TFIP11: variants seen among roughly 807,000 people sequenced by gnomAD.
The protein encoded by TFIP11 is tuftelin-interacting protein 11.
A neutral mutation model predicts 96.8 loss-of-function variants in TFIP11; 86 were observed. That is an observed-to-expected ratio of 0.89 (90% CI 0.75 to 1.06). The LOEUF (loss-of-function observed/expected upper bound fraction) is 1.06, where lower values mean the gene tolerates loss of function less well. Ranked by LOEUF, TFIP11 falls within the 50% of genes least tolerant of loss-of-function variation. TFIP11 has a pLI of 0.00. For synonymous variants in TFIP11, 405 were observed against 395.2 expected, an observed-to-expected ratio of 1.02 and a Z score of -0.29; for missense variants, 881 against 1,076.7, an observed-to-expected ratio of 0.82 and a Z score of 2.54.
chr22:26,506,143 TA>T (rs897284433), intron 6 of TFIP11, 159 bp downstream of exon 6: 1 of 654,554 alleles, frequency 1.5e-6, no homozygotes, highest in African/African-American at 1.8e-5. Context: ...TGAGCTTTGA[TA>T]AAGCAAGGTA....
chr22:26,491,329 T>G lies in TFIP11; in HGVS notation c.*684A>C, dbSNP rs1161268128. 5.0e-6 allele frequency: 4 copies of G among 807,234 alleles called. No homozygotes were observed. Among genetic ancestry groups the G allele is most frequent in the Non-Finnish European group, 7.9e-6 (4 of 505,912 alleles). 50.0% of individuals were successfully genotyped at this position (807,234 alleles called of 1,614,324 possible). A position where few individuals can be genotyped will look rare whatever the true frequency, so the allele number is the denominator to read the frequency against. On this transcript the variant is annotated 3_prime_UTR_variant, in exon 15 of 15. Coordinates refer to ENST00000407690, the MANE Select transcript of TFIP11 (RefSeq NM_012143.4). ...CGCCCAATTCATTGTGCAAAAGCAT[T>G]TAAATCAAAATACCCTATTTGTTAT...
intron 4 of TFIP11, among the ~76,000 whole-genome samples, chr22:26,508,468 C>T (rs1414450202): frequency 6.6e-6 from 1 of 152,178 alleles, no homozygotes; most frequent in East Asian, 1.9e-4. Context: ...AATTCTTGTT[C>T]CCTGATCTAT....
chr22:26,501,955 T>C lies in TFIP11; in HGVS notation c.746A>G (p.Lys249Arg). 1 of 1,613,998 alleles carries C rather than the reference T, an allele frequency of 6.2e-7. No homozygotes were observed. Among genetic ancestry groups the C allele is most frequent in the Non-Finnish European group, 8.5e-7 (1 of 1,179,996 alleles). ...AGTGAGCTTCTTGCTAATCCTGCCC[T>C]TGGCCTTCAACTCTTCCACGGTCTT... ...SYKTVEELKA[K>R]GRISKKLTAP... The change falls in exon 8 of 15, where the codon AAG becomes AGG. Residue 249 changes from lysine (K) to arginine (R), a missense_variant. Lys to Arg is a conservative substitution (Grantham distance 26). Coordinates refer to ENST00000407690, the MANE Select transcript of TFIP11 (RefSeq NM_012143.4).
chr22:26,494,201 G>C lies in TFIP11; in HGVS notation c.2096C>G (p.Ser699Cys), dbSNP rs2147119719. 1 of 1,614,140 alleles carries C rather than the reference G, an allele frequency of 6.2e-7. No individual in the cohort carries two copies. Among genetic ancestry groups the C allele is most frequent in the East Asian group, 2.2e-5 (1 of 44,888 alleles). Residue 699 changes from serine to cysteine, a missense_variant, in exon 14 of 15, where the codon TCT becomes TGT. Transcript: ENST00000407690. ...TGCCTCATTAAATTTGTCCTTGACA[G>C]ATGGATGTGCCAGCACTTGGTCTGA... ...MFSDQVLAHPSVKDKFNEALD... is the reference protein window; with the variant it reads ...MFSDQVLAHPCVKDKFNEALD...
chr22:26,501,942 G>C lies in TFIP11; in HGVS notation c.759C>G (p.Ser253Arg). 6.2e-7 allele frequency: 1 copy of C among 1,613,826 alleles called. No homozygotes were observed. The highest frequency in any genetic ancestry group is 1.7e-4 in the Middle Eastern group (1 of 6,058). The change falls in exon 8 of 15, where the codon AGC becomes AGG. Residue 253 changes from serine (S) to arginine (R), a missense_variant. Physicochemically the swap from Ser to Arg is moderately radical, Grantham distance 110. Transcript: ENST00000407690. The part of the protein sequence containing the change: ...VEELKAKGRI[S>R]KKLTAPQKEL... Reference sequence around the variant, plus strand: ...CCTTCTGGGGAGCAGTGAGCTTCTTGCTAATCCTGCCCTTGGCCTTCAACT... The same window carrying C: ...CCTTCTGGGGAGCAGTGAGCTTCTTCCTAATCCTGCCCTTGGCCTTCAACT...
intron 8 of TFIP11, among the ~76,000 whole-genome samples, chr22:26,500,233 G>A (rs1180571773): frequency 1.3e-5 from 2 of 152,088 alleles, no homozygotes; most frequent in Non-Finnish European, 2.9e-5. Flanking sequence ...GCAGTGGCAC[G>A]ATCTCAGCTC....
chr22:26,491,584 G>T lies in TFIP11; in HGVS notation c.*429C>A. 1 of 1,614,140 alleles carries T rather than the reference G, an allele frequency of 6.2e-7. No homozygotes were observed. ...CTAGAACAGCTCTCCATAGATATTT[G>T]GGAGTTTCGGGAAGAACCAGATTAT... On this transcript the variant is annotated 3_prime_UTR_variant, in exon 15 of 15. Coordinates refer to ENST00000407690, the MANE Select transcript of TFIP11 (RefSeq NM_012143.4).
chr22:26,494,447 A>G (rs1777358645), intron 13 of TFIP11, 143 bp from the exon 14 acceptor site: 3 of 996,464 alleles, frequency 3.0e-6, no homozygotes, highest in Middle Eastern at 2.1e-4. Flanking sequence ...TAAACAGTCT[A>G]GCACTTATGA....
Position 26,508,110 on chromosome 22 carries a change from A to C in TFIP11, c.210-1182T>G, listed in dbSNP as rs114403554. Among the ~76,000 whole-genome samples the C allele has an allele frequency of 3.0e-3, 460 of 152,334 alleles. 4 individuals are homozygous for C. The highest frequency in any genetic ancestry group is 0.01 in the African/African-American group (417 of 41,568). On this transcript the variant is annotated intron_variant, in intron 4 of 14. Coordinates refer to ENST00000407690, the MANE Select transcript of TFIP11 (RefSeq NM_012143.4). The stretch of plus-strand genomic sequence containing the variant: ...GGGTAATAGAGACTGTGTTTCAAAG[A>C]AAAAAAGAAAACCTGGGAATACAGC...
intron 6 of TFIP11, among the ~76,000 whole-genome samples, chr22:26,505,561 G>A (rs1306811757): frequency 1.3e-5 from 2 of 152,128 alleles, no homozygotes; most frequent in African/African-American, 2.4e-5. Flanking sequence ...GCCTCCAAGA[G>A]AAGGCCATGT....
At position 26,494,778 on chromosome 22, in the gene TFIP11, C is replaced by T. The variant is rs201728981; in HGVS notation, c.1992+19G>A. On this transcript the variant is annotated intron_variant, in intron 13 of 14. Transcript: ENST00000407690. ...CACCCAGTTCCCTCCCCCAGAAATCCAAGCAAAACAAAGTGTACCTGAAGC... is the reference window on the plus strand; with the variant it reads ...CACCCAGTTCCCTCCCCCAGAAATCTAAGCAAAACAAAGTGTACCTGAAGC... 6.2e-7 allele frequency: 1 copy of T among 1,613,980 alleles called. No homozygotes were observed. Among genetic ancestry groups the T allele is most frequent in the Non-Finnish European group, 8.5e-7 (1 of 1,179,934 alleles).
At chr22:26,496,383 C>T (rs1922051466) in intron 11 of TFIP11, 67 bp from the exon 12 acceptor site, 9 of 1,526,260 alleles carry the variant, frequency 5.9e-6, no homozygotes, top group Non-Finnish European at 6.2e-6. Flanking sequence ...CCCTGTGTGG[C>T]TAAAGGCAAG....
chr22:26,506,718 G>C, intron 5 of TFIP11, 57 bp downstream of exon 5: 1 of 1,591,344 alleles, frequency 6.3e-7, no homozygotes, highest in Non-Finnish European at 8.6e-7. Flanking sequence ...AAAATGCTTG[G>C]GCCACAATGA....
intron 8 of TFIP11, 74 bp from the exon 9 acceptor site, chr22:26,499,705 G>GC (rs1250637141): frequency 3.4e-6 from 5 of 1,462,316 alleles, no homozygotes; most frequent in African/African-American, 2.8e-5. Context: ...CCAGGGGAAG[G>GC]CCCCATGACA....
chr22:26,503,816 A>T (rs772194340), intron 6 of TFIP11, 23 bp from the exon 7 acceptor site: 11 of 1,610,544 alleles, frequency 6.8e-6, no homozygotes, highest in Non-Finnish European at 1.7e-6. Context: ...AGCAAAAAAA[A>T]AAGAGAGTCT....
In TFIP11 at chr22:26,496,906, G is replaced by A. The variant is rs1158541351; in HGVS notation, c.1437-17C>T. On this transcript the variant is annotated splice_polypyrimidine_tract_variant and intron_variant, in intron 10 of 14. Coordinates refer to ENST00000407690, the MANE Select transcript of TFIP11 (RefSeq NM_012143.4). ...CATATCAACCTATGGGAGAAAGGCA[G>A]AGGACAGGCTGGTTAATTACACTGA... 6.2e-7 allele frequency: 1 copy of A among 1,613,230 alleles called. No individual in the cohort carries two copies. Among genetic ancestry groups the A allele is most frequent in the Non-Finnish European group, 8.5e-7 (1 of 1,179,890 alleles).
intron 12 of TFIP11, 120 bp from the exon 13 acceptor site, chr22:26,495,059 T>C (rs2147121711): frequency 3.0e-6 from 4 of 1,342,752 alleles, no homozygotes; most frequent in East Asian, 4.7e-5. Flanking sequence ...CCTCCCGGGT[T>C]CAAGTGACTC....
Position 26,503,739 on chromosome 22 carries a change from G to A in TFIP11, c.575C>T (p.Ala192Val). The A allele has an allele frequency of 6.2e-7, 1 of 1,613,804 alleles. No homozygotes were observed. Among genetic ancestry groups the A allele is most frequent in the East Asian group, 2.2e-5 (1 of 44,864 alleles). ...CTGAGTGGTGCGCTCGGATCCATAA[G>A]CCCCCACAGCACCTTTTCCCTTTCT... ...KQRKGKGAVG[A>V]YGSERTTQSM... Residue 192 changes from alanine (A) to valine (V), a missense_variant, in exon 7 of 15, where the codon GCT (alanine) becomes GTT (valine). Ala to Val is a moderately conservative substitution (Grantham distance 64). Coordinates refer to ENST00000407690, the MANE Select transcript of TFIP11 (RefSeq NM_012143.4).
In TFIP11 at chr22:26,498,953, A is replaced by G; in HGVS notation, c.1352T>C (p.Ile451Thr). The G allele has an allele frequency of 1.2e-6, 2 of 1,613,814 alleles. No homozygotes were observed. Among genetic ancestry groups the G allele is most frequent in the Non-Finnish European group, 1.7e-6 (2 of 1,179,950 alleles). ...TAGGAGGCTTTTCCACTTAGAGATGATCTCGGTGCCATAAGTGCAGTCCTG... is the reference window on the plus strand; with the variant it reads ...TAGGAGGCTTTTCCACTTAGAGATGGTCTCGGTGCCATAAGTGCAGTCCTG... The part of the protein sequence containing the change: ...PLKDCTYGTE[I>T]ISKWKSLLEN... Residue 451 changes from isoleucine to threonine, a missense_variant, in exon 10 of 15, where the codon ATC becomes ACC. Coordinates refer to ENST00000407690, the MANE Select transcript of TFIP11 (RefSeq NM_012143.4).
Sources: allele counts gnomAD v4.1 joint callset (sites outside exome capture counted in the v4.1 genomes callset), GRCh38; gene constraint gnomAD v4.1.1; transcripts MANE v1.5; gene names NCBI Gene and HGNC (gene_info 2026-07-23, HGNC 2026-07-21).